FARP2: variants seen among roughly 807,000 people sequenced by gnomAD.
FARP2 encodes FERM, ARHGEF and pleckstrin domain-containing protein 2.
In FARP2, 111 loss-of-function variants were observed where a neutral mutation model predicts 130.5. The observed-to-expected ratio is 0.85, with a 90% CI of 0.73 to 1.00. FARP2 has a LOEUF of 1.00. FARP2 is among the 50% of genes least tolerant of loss of function. FARP2 has a pLI of 0.00. For missense variants in FARP2, 1,385 were observed against 1,346.3 expected (o/e 1.03, Z -0.45); for synonymous variants, 504 against 516.9 (o/e 0.98, Z 0.34).
intron 26 of FARP2, 81 bp downstream of exon 26, chr2:241,493,525 G>C (rs2065008621): frequency 3.6e-6 from 5 of 1,392,608 alleles, no homozygotes; most frequent in Non-Finnish European, 5.1e-6. Flanking sequence ...GGTGGTGGAG[G>C]CAAGTTTTCT....
intron 19 of FARP2, among the ~76,000 whole-genome samples, chr2:241,476,834 A>G (rs972622571): frequency 1.3e-5 from 2 of 152,210 alleles, no homozygotes; most frequent in Non-Finnish European, 2.9e-5. Context: ...GAACATTTTC[A>G]TCACCCCAAA....
chr2:241,487,192 T>C (rs936783901), intron 21 of FARP2, among the ~76,000 whole-genome samples: 6 of 152,240 alleles, frequency 3.9e-5, no homozygotes, highest in African/African-American at 1.4e-4. Flanking sequence ...CAATTTAGTT[T>C]TACCTTGTAG....
rs144266712 is a variant in FARP2 at position 241,466,001 on chromosome 2, T to G, written c.1893+2021T>G. 3.8e-5 allele frequency: 52 copies of G among 1,371,108 alleles called. No homozygotes were observed. In the African/African-American group the frequency reaches 6.4e-4, roughly 17 times the overall value. 84.9% of individuals were successfully genotyped at this position (1,371,108 alleles called of 1,614,324 possible). A position where few individuals can be genotyped will look rare whatever the true frequency, so the allele number is the denominator to read the frequency against. On this transcript the variant is annotated intron_variant, in intron 17 of 26. Transcript: ENST00000264042. ...AAAGGCAGTTGCACTAATTTAAAATTGAAATATACACAAATCTGTTTGATC... is the reference window on the plus strand; with the variant it reads ...AAAGGCAGTTGCACTAATTTAAAATGGAAATATACACAAATCTGTTTGATC...
chr2:241,413,344 G>A lies in FARP2; in HGVS notation c.546G>A (p.Glu182=), dbSNP rs753072787. 1 of 1,612,186 alleles carries A rather than the reference G, an allele frequency of 6.2e-7. No homozygotes were observed. Among genetic ancestry groups the A allele is most frequent in the Non-Finnish European group, 8.5e-7 (1 of 1,179,394 alleles). Residue 182 remains glutamate (E), a synonymous_variant, in exon 7 of 27, where the codon GAG becomes GAA. Transcript: ENST00000264042. ...IGDYDETLDR[E]HLKVNEYLPG... is the part of the protein sequence containing the mutation. ...ATTACGATGAAACGCTGGACCGAGAGCACCTCAAAGTGAACGAGTATTTGC... is the reference window on the plus strand; with the variant it reads ...ATTACGATGAAACGCTGGACCGAGAACACCTCAAAGTGAACGAGTATTTGC...
At chr2:241,486,528 C>T (rs1001495963) in intron 21 of FARP2, among the ~76,000 whole-genome samples, 2 of 134,824 alleles carry the variant, frequency 1.5e-5, no homozygotes, top group African/African-American at 5.5e-5. Context: ...TATCATCGTA[C>T]CCACTCAGCA....
chr2:241,361,236 A>T (rs60178325), intron 1 of FARP2, among the ~76,000 whole-genome samples: 25,435 of 152,048 alleles, frequency 0.17, 2,529 homozygotes, highest in East Asian at 0.4. Context: ...ACCTATTCAC[A>T]TTGCCACAGG....
intron 2 of FARP2, among the ~76,000 whole-genome samples, chr2:241,378,939 A>C: frequency 6.6e-6 from 1 of 152,230 alleles, no homozygotes; most frequent in South Asian, 2.1e-4. Flanking sequence ...TTGAACATAG[A>C]AATCTGGCCT....
rs377318063 is a variant in FARP2, at chr2:241,436,552, G to T, written c.1158+14G>T. ...CTACCAAAACAGGTTAGTCTCTTCC[G>T]GTTCAACATGGGGGCAGTAGGAGTT... On this transcript the variant is annotated intron_variant, in intron 12 of 26. Coordinates refer to ENST00000264042, the MANE Select transcript of FARP2 (RefSeq NM_014808.4). 6.2e-7 allele frequency: 1 copy of T among 1,611,194 alleles called. No homozygotes were observed. Among genetic ancestry groups the T allele is most frequent in the East Asian group, 2.2e-5 (1 of 44,876 alleles).
intron 6 of FARP2, among the ~76,000 whole-genome samples, chr2:241,412,856 T>A (rs1033641241): frequency 5.9e-5 from 9 of 152,062 alleles, no homozygotes; most frequent in African/African-American, 2.2e-4. Context: ...GGCAAAACCT[T>A]ATCTCTACAA....
chr2:241,457,272 C>T (rs2063874370), intron 14 of FARP2, among the ~76,000 whole-genome samples: 1 of 152,046 alleles, frequency 6.6e-6, no homozygotes, highest in Non-Finnish European at 1.5e-5. Flanking sequence ...CTCATTTCTC[C>T]CTCCCGTCCT....
intron 7 of FARP2, among the ~76,000 whole-genome samples, chr2:241,415,217 T>C (rs62193221): frequency 0.11 from 16,922 of 152,184 alleles, 1,214 homozygotes; most frequent in Admixed American, 0.15. Context: ...GAGCTCCTGC[T>C]CTATTCTCCC....
chr2:241,416,286 G>A (rs3771564), intron 7 of FARP2, among the ~76,000 whole-genome samples: 18,335 of 152,074 alleles, frequency 0.12, 1,279 homozygotes, highest in Non-Finnish European at 0.15. Flanking sequence ...TACGAGAAGG[G>A]TGAGCCATGT....
intron 1 of FARP2, among the ~76,000 whole-genome samples, chr2:241,365,092 C>G (rs1414121733): frequency 1.3e-5 from 2 of 152,186 alleles, no homozygotes; most frequent in South Asian, 2.1e-4. Flanking sequence ...CTCCCTCTCT[C>G]TCAGCTTGAA....
intron 2 of FARP2, among the ~76,000 whole-genome samples, chr2:241,402,836 TTATATA>T (rs1215612816): frequency 5.5e-3 from 92 of 16,820 alleles, no homozygotes; most frequent in East Asian, 0.01. Context: ...CCCAGCTAAT[TTATATA>T]TATATATATA....
intron 1 of FARP2, among the ~76,000 whole-genome samples, chr2:241,369,841 T>C (rs2150295139): frequency 6.6e-6 from 1 of 152,298 alleles, no homozygotes; most frequent in East Asian, 1.9e-4. Flanking sequence ...ACCAAGAACA[T>C]ATAGATCACT....
chr2:241,467,081 C>T (rs1315876966), intron 17 of FARP2, among the ~76,000 whole-genome samples: 1 of 151,610 alleles, frequency 6.6e-6, no homozygotes, highest in African/African-American at 2.4e-5. Context: ...ATAGCAAAAC[C>T]CCATCTCTAC....
chr2:241,487,060 A>T (rs545614773), intron 21 of FARP2, among the ~76,000 whole-genome samples: 1 of 152,200 alleles, frequency 6.6e-6, no homozygotes, highest in Admixed American at 6.5e-5. Flanking sequence ...CGTGCTGGTC[A>T]CTCTGGTCTC....
At chr2:241,366,157 T>TATATA (rs2061316960) in intron 1 of FARP2, among the ~76,000 whole-genome samples, 1 of 34,886 alleles carries the variant, frequency 2.9e-5, no homozygotes, top group African/African-American at 1.1e-4. Context: ...ACATATATAT[T>TATATA]TTCTTCCTCT....
chr2:241,454,557 C>T (rs1185893829), intron 13 of FARP2, among the ~76,000 whole-genome samples: 1 of 152,204 alleles, frequency 6.6e-6, no homozygotes, highest in Non-Finnish European at 1.5e-5. Flanking sequence ...CGGAAACATG[C>T]CTGTTTTCAA....
Sources: allele counts gnomAD v4.1 joint callset (sites outside exome capture counted in the v4.1 genomes callset), GRCh38; gene constraint gnomAD v4.1.1; transcripts MANE v1.5; gene names NCBI Gene and HGNC (gene_info 2026-07-23, HGNC 2026-07-21).